SCN1A: variants seen among roughly 807,000 people sequenced by gnomAD.
SCN1A encodes sodium channel protein type 1 subunit alpha.
A neutral mutation model predicts 193.7 loss-of-function variants in SCN1A; 13 were observed. The observed-to-expected ratio is 0.07, with a 90% CI of 0.04 to 0.11. The LOEUF (loss-of-function observed/expected upper bound fraction) is 0.11, where lower values mean the gene tolerates loss of function less well. SCN1A is among the 10% of genes least tolerant of loss of function. The probability of loss-of-function intolerance (pLI) is 1.00; values close to 1 mark genes in which losing one functional copy is unlikely to be tolerated. For missense variants in SCN1A, 1,432 were observed against 2,451.1 expected, an observed-to-expected ratio of 0.58 and a Z score of 8.78; for synonymous variants, 781 against 843.6, an observed-to-expected ratio of 0.93 and a Z score of 1.29.
chr2:166,120,589 CTTTTCTCTTTT>C (rs1690446150), intron 2 of SCN1A, among the ~76,000 whole-genome samples: 1 of 105,176 alleles, frequency 9.5e-6, no homozygotes, highest in African/African-American at 3.4e-5. Context: ...TTTCTTTTTT[CTTTTCTCTTTT>C]TTTTTTTTTT....
At chr2:166,146,136 G>A (rs1409043623) in intron 1 of SCN1A, among the ~76,000 whole-genome samples, 2 of 152,134 alleles carry the variant, frequency 1.3e-5, no homozygotes, top group African/African-American at 4.8e-5. Flanking sequence ...ATGAAACCAC[G>A]ATGCCAGGAC....
At chr2:166,068,159 C>T (rs915394912) in intron 4 of SCN1A, among the ~76,000 whole-genome samples, 1 of 152,132 alleles carries the variant, frequency 6.6e-6, no homozygotes, top group Non-Finnish European at 1.5e-5. Flanking sequence ...GTTTGAGGTA[C>T]TGGGTATTTT....
Position 166,036,067 on chromosome 2 carries a change from T to C in SCN1A, c.3410A>G (p.Asp1137Gly). ...TCTTACCTCTTTGCTTTCTTCCAGA[T>C]CCGATTCACTACTAAAGTCTTCCGT... The part of the protein sequence containing the change: ...LNTEDFSSES[D>G]LEESKEKLNE... The change falls in exon 19 of 29, where the codon GAT (aspartate) becomes GGT (glycine). Residue 1137 changes from aspartate to glycine, a missense_variant. Transcript: ENST00000674923. The C allele has an allele frequency of 1.2e-6, 2 of 1,613,866 alleles. No homozygotes were observed. Among genetic ancestry groups the C allele is most frequent in the Non-Finnish European group, 1.7e-6 (2 of 1,179,898 alleles).
chr2:166,011,324 T>C (rs1692416149), intron 22 of SCN1A, among the ~76,000 whole-genome samples: 1 of 151,128 alleles, frequency 6.6e-6, no homozygotes, highest in South Asian at 2.1e-4. Context: ...TGCTGTAGCT[T>C]TCTAAAGCTG....
intron 2 of SCN1A, among the ~76,000 whole-genome samples, chr2:166,096,224 C>A (rs1196758576): frequency 1.3e-5 from 2 of 152,162 alleles, no homozygotes; most frequent in Non-Finnish European, 2.9e-5. Context: ...CAATTTCTTT[C>A]ATTCATATGG....
rs145770581 is a variant in SCN1A, at chr2:166,089,463, G to A, written c.-141-11662C>T. ...AAGTATCTCTGGGAGTACATGAGTCGTTTATGCATCAATGAGACTACTTAC... is the reference window on the plus strand; with the variant it reads ...AAGTATCTCTGGGAGTACATGAGTCATTTATGCATCAATGAGACTACTTAC... On this transcript the variant is annotated intron_variant, in intron 2 of 28. Coordinates refer to ENST00000674923, the MANE Select transcript of SCN1A (RefSeq NM_001165963.4). 3.8e-3 allele frequency among the ~76,000 whole-genome samples: 572 copies of A among 152,140 alleles called. 6 individuals are homozygous for A. The highest frequency in any genetic ancestry group is 0.013 in the African/African-American group (525 of 41,526).
chr2:166,044,761 A>T (rs760050818), intron 13 of SCN1A, among the ~76,000 whole-genome samples: 1 of 152,182 alleles, frequency 6.6e-6, no homozygotes, highest in African/African-American at 2.4e-5. Flanking sequence ...CAAAAAGATT[A>T]AATGTCATTA....
chr2:166,015,651 A>C lies in SCN1A; in HGVS notation c.3506T>G (p.Val1169Gly), dbSNP rs1380673643. 1.9e-6 allele frequency: 3 copies of C among 1,612,956 alleles called. No individual in the cohort carries two copies. The highest frequency in any genetic ancestry group is 2.5e-6 in the Non-Finnish European group (3 of 1,179,062). Residue 1169 changes from valine to glycine, a missense_variant, in exon 20 of 29, where the codon GTG (valine) becomes GGG (glycine). By Grantham distance (109) the Val-to-Gly change is moderately radical. Around this residue, in one of 18 missense-constraint regions of SCN1A, gnomAD observed 198 missense variants for 225.8 expected, o/e 0.88. Transcript: ENST00000674923. Reference protein sequence around the residue: ...IGAPVEEQPVVEPEETLEPEA... With the variant: ...IGAPVEEQPVGEPEETLEPEA... ...TGGTTCAAGAGTTTCTTCAGGTTCC[A>C]CTACGGGCTGTTCTTCTACAGGTGC...
At chr2:166,104,492 C>T (rs936647770) in intron 2 of SCN1A, 1 of 152,196 alleles carries the variant, frequency 6.6e-6, no homozygotes, top group Non-Finnish European at 1.5e-5. Flanking sequence ...TCTGTAATCC[C>T]ATCACTTTGG....
chr2:166,064,141 G>T (rs757926324), intron 4 of SCN1A, among the ~76,000 whole-genome samples: 10 of 152,050 alleles, frequency 6.6e-5, no homozygotes, highest in Non-Finnish European at 1.5e-4. Context: ...TTATGTTAAG[G>T]GTGCAAACTC....
chr2:166,102,550 G>C (rs1574503008), intron 2 of SCN1A, among the ~76,000 whole-genome samples: 1 of 148,294 alleles, frequency 6.7e-6, no homozygotes, highest in Non-Finnish European at 1.5e-5. Flanking sequence ...GAAAATAACA[G>C]ATGTTGGCAA....
chr2:166,086,725 T>C (rs1686162648), intron 2 of SCN1A, among the ~76,000 whole-genome samples: 1 of 152,188 alleles, frequency 6.6e-6, no homozygotes, highest in Non-Finnish European at 1.5e-5. Context: ...GTGATAATCA[T>C]ATAAACGTCT....
intron 16 of SCN1A, 47 bp from the exon 17 acceptor site, chr2:166,039,643 C>G: frequency 2.0e-6 from 3 of 1,504,536 alleles, no homozygotes; most frequent in Non-Finnish European, 2.8e-6. Flanking sequence ...TAATAACATA[C>G]ATGACATAAG....
intron 23 of SCN1A, among the ~76,000 whole-genome samples, chr2:166,003,964 A>C (rs1238894899): frequency 6.6e-6 from 1 of 151,570 alleles, no homozygotes; most frequent in African/African-American, 2.4e-5. Flanking sequence ...GGGAACATAA[A>C]ACAGTGTGAT....
chr2:166,065,537 G>A (rs963117024), intron 4 of SCN1A, among the ~76,000 whole-genome samples: 103 of 152,176 alleles, frequency 6.8e-4, no homozygotes, highest in African/African-American at 2.3e-3. Context: ...CTGGCTCACT[G>A]GGGGATGAAA....
At chr2:166,139,879 G>T (rs1328941519) in intron 1 of SCN1A, among the ~76,000 whole-genome samples, 1 of 151,968 alleles carries the variant, frequency 6.6e-6, no homozygotes, top group East Asian at 1.9e-4. Context: ...ATTTGAGTGG[G>T]GCACAGCCAA....
intron 13 of SCN1A, 78 bp downstream of exon 13, chr2:166,044,965 A>G: frequency 6.8e-7 from 1 of 1,470,044 alleles, no homozygotes; most frequent in Non-Finnish European, 9.5e-7. Flanking sequence ...AAAATTCCTG[A>G]GTCCATTTTC....
chr2:166,120,437 A>G (rs150507252), intron 2 of SCN1A, among the ~76,000 whole-genome samples: 19 of 151,144 alleles, frequency 1.3e-4, no homozygotes, highest in African/African-American at 4.6e-4. Context: ...TTAATATACT[A>G]TTATAACCTG....
intron 1 of SCN1A, among the ~76,000 whole-genome samples, chr2:166,143,446 A>T (rs1692180312): frequency 6.6e-6 from 1 of 152,100 alleles, no homozygotes; most frequent in African/African-American, 2.4e-5. Flanking sequence ...GATTACAGGC[A>T]TGAGCCACTG....
Sources: allele counts gnomAD v4.1 joint callset (sites outside exome capture counted in the v4.1 genomes callset), GRCh38; gene constraint gnomAD v4.1.1; regional missense constraint gnomAD v4.1.1; transcripts MANE v1.5; gene names NCBI Gene and HGNC (gene_info 2026-07-23, HGNC 2026-07-21).